Variants in GIGYF2 observed in about 807,000 individuals in gnomAD.
GIGYF2 encodes GRB10-interacting GYF protein 2.
In GIGYF2, 25 loss-of-function variants were observed where a neutral mutation model predicts 208.1. The observed-to-expected ratio is 0.12, with a 90% CI of 0.09 to 0.17. The LOEUF (loss-of-function observed/expected upper bound fraction) is 0.17. Among genes scored for constraint, GIGYF2 ranks in the 10% least tolerant of loss-of-function variants. The pLI is 1.00. For synonymous variants in GIGYF2, 534 were observed against 543.8 expected, an observed-to-expected ratio of 0.98 and a Z score of 0.25; for missense variants, 1,302 against 1,579.4, an observed-to-expected ratio of 0.82 and a Z score of 2.98.
intron 15 of GIGYF2, among the ~76,000 whole-genome samples, chr2:232,808,621 A>G (rs116739412): frequency 0.013 from 1,994 of 152,310 alleles, 34 homozygotes; most frequent in African/African-American, 0.045. Context: ...CCCTACCCTA[A>G]GAAATTGTGT....
rs186919319 is a variant in GIGYF2, at chr2:232,838,013, G to C, written c.2767-1836G>C. On this transcript the variant is annotated intron_variant, in intron 22 of 28. Transcript: ENST00000373563. ...AAAGTTTGTTCTGAGAAGCATGATT[G>C]ACACACTGCAGTTCTCCTGAGTGGG... 1.1e-4 allele frequency among the ~76,000 whole-genome samples: 16 copies of C among 152,274 alleles called. No individual in the cohort carries two copies. In the East Asian group the frequency reaches 3.1e-3, roughly 29 times the overall value.
rs1698192721 is a variant in GIGYF2 at position 232,747,600 on chromosome 2, T to A, written c.42-15T>A. On this transcript the variant is annotated splice_polypyrimidine_tract_variant and intron_variant, in intron 3 of 28. Transcript: ENST00000373563. Reference sequence around the variant, plus strand: ...ACCAGAATGTTTGACATATTCTCTGTCTTTTCTATTCTAGGCTCCGAGCTC... The same window carrying A: ...ACCAGAATGTTTGACATATTCTCTGACTTTTCTATTCTAGGCTCCGAGCTC... The A allele has an allele frequency of 3.1e-6, 5 of 1,613,782 alleles. No individual in the cohort carries two copies. The South Asian group carries it at 5.5e-5, about 18-fold the overall frequency.
chr2:232,840,484 A>G (rs1212859077), intron 23 of GIGYF2, among the ~76,000 whole-genome samples: 7 of 152,132 alleles, frequency 4.6e-5, no homozygotes, highest in Non-Finnish European at 1.0e-4. Flanking sequence ...AGAGGAGAAA[A>G]TGAATAATTT....
chr2:232,746,729 CT>C (rs1215858619), intron 3 of GIGYF2, among the ~76,000 whole-genome samples: 1 of 151,954 alleles, frequency 6.6e-6, no homozygotes, highest in African/African-American at 2.4e-5. Context: ...TTCAATTTCT[CT>C]TTGTACTTTA....
intron 8 of GIGYF2, chr2:232,771,450 G>T: frequency 1.0e-6 from 1 of 976,740 alleles, no homozygotes; most frequent in Non-Finnish European, 1.5e-6. Context: ...GAGAGCTCAT[G>T]GACTTTCTGC....
chr2:232,751,691 A>C (rs951477791), intron 5 of GIGYF2, among the ~76,000 whole-genome samples: 1 of 152,132 alleles, frequency 6.6e-6, no homozygotes, highest in Non-Finnish European at 1.5e-5. Context: ...CAGAAGAGGG[A>C]AGAGGACATG....
chr2:232,856,990 C>G lies in GIGYF2; in HGVS notation c.*130C>G, dbSNP rs547513235. On this transcript the variant is annotated 3_prime_UTR_variant, in exon 29 of 29. Coordinates refer to ENST00000373563, the MANE Select transcript of GIGYF2 (RefSeq NM_001103146.3). ...AAATCACAGAACCGATCATCTCAGG[C>G]TTTTTCTTCTGGCCCTTTGTGTCCA... The G allele has an allele frequency of 1.4e-4, 111 of 768,238 alleles. No homozygotes were observed. The highest frequency in any genetic ancestry group is 2.5e-4 in the Non-Finnish European group (104 of 423,290). 47.6% of individuals were successfully genotyped at this position (768,238 alleles called of 1,614,324 possible). A position where few individuals can be genotyped will look rare whatever the true frequency, so the allele number is the denominator to read the frequency against.
At chr2:232,766,049 C>G (rs1455158709) in intron 8 of GIGYF2, 5 of 470,754 alleles carry the variant, frequency 1.1e-5, no homozygotes, top group Non-Finnish European at 2.2e-5. Flanking sequence ...GCCCTTTTTC[C>G]ATTGTTACTT....
chr2:232,784,781 T>C (rs116780486), intron 8 of GIGYF2, among the ~76,000 whole-genome samples: 3,560 of 152,256 alleles, frequency 0.023, 151 homozygotes, highest in African/African-American at 0.08. Context: ...CCAAGTGATA[T>C]AGTTTGGATG....
intron 2 of GIGYF2, among the ~76,000 whole-genome samples, chr2:232,706,551 G>A (rs1035076996): frequency 1.3e-5 from 2 of 152,192 alleles, no homozygotes; most frequent in African/African-American, 4.8e-5. Flanking sequence ...GCTGAGGCAG[G>A]CGGATCACTT....
chr2:232,812,415 C>G lies in GIGYF2; in HGVS notation c.2031C>G (p.Pro677=), dbSNP rs1045807767. The change falls in exon 18 of 29, where the codon CCC becomes CCG. Residue 677 remains proline, a synonymous_variant. Transcript: ENST00000373563. ...GAATATCTGATCAGAACATCATTCC[C>G]TCAGTAACTAGGTCTGTGTCCGTGC... The part of the protein sequence containing the change: ...KMRISDQNII[P]SVTRSVSVPD... The G allele has an allele frequency of 2.7e-6, 4 of 1,489,426 alleles. No homozygotes were observed. The highest frequency in any genetic ancestry group is 2.8e-6 in the Non-Finnish European group (3 of 1,066,954). 92.3% of individuals were successfully genotyped at this position (1,489,426 alleles called of 1,614,324 possible).
chr2:232,731,813 G>A (rs1170113134), intron 2 of GIGYF2, among the ~76,000 whole-genome samples: 1 of 152,134 alleles, frequency 6.6e-6, no homozygotes, highest in Non-Finnish European at 1.5e-5. Flanking sequence ...GAGAAAGAAA[G>A]GAATACTGCC....
intron 7 of GIGYF2, 73 bp from the exon 8 acceptor site, chr2:232,761,323 G>A: frequency 1.1e-6 from 1 of 913,346 alleles, no homozygotes; most frequent in Non-Finnish European, 1.8e-6. Flanking sequence ...AGAAAAATGG[G>A]AAAGTGAGTG....
chr2:232,809,063 G>A, intron 15 of GIGYF2, among the ~76,000 whole-genome samples: 1 of 152,094 alleles, frequency 6.6e-6, no homozygotes, highest in Non-Finnish European at 1.5e-5. Context: ...TCCTGTCTCA[G>A]CCTCCTGAAT....
At chr2:232,708,312 C>T (rs1431379669) in intron 2 of GIGYF2, among the ~76,000 whole-genome samples, 1 of 152,142 alleles carries the variant, frequency 6.6e-6, no homozygotes, top group Non-Finnish European at 1.5e-5. Flanking sequence ...AACATACACT[C>T]TTCCTTAATT....
intron 8 of GIGYF2, chr2:232,766,628 A>G (rs1259282011): frequency 6.6e-6 from 1 of 152,374 alleles, no homozygotes; most frequent in Non-Finnish European, 1.5e-5. Context: ...TTCAAACAGC[A>G]AAAGTTCACA....
intron 20 of GIGYF2, 52 bp downstream of exon 20, chr2:232,817,084 A>AG (rs1559453936): frequency 7.4e-7 from 1 of 1,350,052 alleles, no homozygotes; most frequent in Admixed American, 1.7e-5. Flanking sequence ...GAGGGCTTTC[A>AG]GGCTGCTTTC....
At chr2:232,826,191 G>A (rs889167303) in intron 21 of GIGYF2, among the ~76,000 whole-genome samples, 1 of 152,200 alleles carries the variant, frequency 6.6e-6, no homozygotes, top group Non-Finnish European at 1.5e-5. Flanking sequence ...ATAGTAGCAT[G>A]ATTTATAATC....
rs1484202397 is a variant in GIGYF2, at chr2:232,791,393, A to G, written c.1229A>G (p.Glu410Gly). ...PKTEQTEKAEEETRMENSLPA... is the reference protein window; with the variant it reads ...PKTEQTEKAEGETRMENSLPA... ...ACTGAGCAAACGGAAAAAGCTGAAG[A>G]GGAGACTCGGATGGAAAATAGTCTA... Residue 410 changes from glutamate (E) to glycine (G), a missense_variant, in exon 12 of 29, where the codon GAG becomes GGG. Transcript: ENST00000373563. The G allele has an allele frequency of 1.2e-6, 2 of 1,613,974 alleles. No individual in the cohort carries two copies. Among genetic ancestry groups the G allele is most frequent in the Non-Finnish European group, 1.7e-6 (2 of 1,179,994 alleles).
Sources: allele counts gnomAD v4.1 joint callset (sites outside exome capture counted in the v4.1 genomes callset), GRCh38; gene constraint gnomAD v4.1.1; transcripts MANE v1.5; gene names NCBI Gene and HGNC (gene_info 2026-07-23, HGNC 2026-07-21).